Variants in BCKDHB observed in about 807,000 individuals in gnomAD.
BCKDHB encodes branched chain keto acid dehydrogenase E1 subunit beta.
Under a neutral mutation model 48.5 loss-of-function variants are expected in BCKDHB, and 41 were observed. The ratio of observed to expected loss-of-function variants is 0.85; its 90% confidence interval spans 0.66 to 1.10. BCKDHB has a LOEUF of 1.10. Ranked by LOEUF, BCKDHB falls within the 50% of genes least tolerant of loss-of-function variation. The pLI is 0.00. For missense variants in BCKDHB, 496 were observed against 494.2 expected, an observed-to-expected ratio of 1.00 and a Z score of -0.03; for synonymous variants, 201 against 174.8, an observed-to-expected ratio of 1.15 and a Z score of -1.18.
chr6:80,245,922 C>T (rs1372812655), intron 8 of BCKDHB, among the ~76,000 whole-genome samples: 1 of 152,038 alleles, frequency 6.6e-6, no homozygotes, highest in African/African-American at 2.4e-5. Flanking sequence ...CAAAAAAATA[C>T]AAAAATTAGC....
At chr6:80,438,619 T>C in the BCKDHB span, among the ~76,000 whole-genome samples, 658 of 152,316 alleles carry the variant, frequency 4.3e-3, 9 homozygotes, top group African/African-American at 0.015. Context: ...ATGAGAAATA[T>C]TTATATTACA....
the BCKDHB span, among the ~76,000 whole-genome samples, chr6:80,403,257 T>C: frequency 3.5e-4 from 53 of 152,038 alleles, no homozygotes; most frequent in East Asian, 1.3e-3. Context: ...CATGTATTTT[T>C]GTTTAATTTC....
chr6:80,419,868 T>A, the BCKDHB span, among the ~76,000 whole-genome samples: 1 of 152,222 alleles, frequency 6.6e-6, no homozygotes, highest in East Asian at 1.9e-4. Flanking sequence ...AATGGATAAT[T>A]TCAAATGATC....
At chr6:80,252,989 G>T (rs1776899004) in intron 8 of BCKDHB, among the ~76,000 whole-genome samples, 1 of 152,056 alleles carries the variant, frequency 6.6e-6, no homozygotes, top group African/African-American at 2.4e-5. Flanking sequence ...TAATCATCAT[G>T]GCTATCTTTT....
chr6:80,115,963 G>C (rs909737816), intron 1 of BCKDHB, among the ~76,000 whole-genome samples: 5 of 152,200 alleles, frequency 3.3e-5, no homozygotes, highest in African/African-American at 1.2e-4. Context: ...TAACTAGGCA[G>C]TACAGAGGAA....
chr6:80,177,292 C>T (rs147123657), intron 6 of BCKDHB, among the ~76,000 whole-genome samples: 3 of 123,486 alleles, frequency 2.4e-5, no homozygotes, highest in African/African-American at 9.2e-5. Flanking sequence ...AAAGGAGACA[C>T]TTGAGAATAC....
chr6:80,271,213 A>G (rs1311312401), intron 8 of BCKDHB, among the ~76,000 whole-genome samples: 1 of 152,128 alleles, frequency 6.6e-6, no homozygotes, highest in Non-Finnish European at 1.5e-5. Context: ...ATCGTCCTGC[A>G]ACTTACTCAT....
At position 80,129,330 on chromosome 6, in the gene BCKDHB, G is replaced by A. The variant is rs2505931; in HGVS notation, c.343+101G>A. 9.6e-3 allele frequency: 8,908 copies of A among 931,342 alleles called. 502 individuals carry two copies. The African/African-American group carries it at 0.13, about 13-fold the overall frequency. The allele number at this position is 931,342 out of a possible 1,614,324, so 57.7% of individuals were successfully genotyped here. ...CTAAATTTTTTGTCATATCCCCATT[G>A]TATGGATGAATTCCTTTTCATTTCC... On this transcript the variant is annotated intron_variant, in intron 3 of 9. Coordinates refer to ENST00000320393, the MANE Select transcript of BCKDHB (RefSeq NM_183050.4).
intron 6 of BCKDHB, among the ~76,000 whole-genome samples, chr6:80,191,166 G>A (rs1298244912): frequency 1.3e-5 from 2 of 152,106 alleles, no homozygotes; most frequent in Non-Finnish European, 2.9e-5. Flanking sequence ...TTCTGGAGAG[G>A]TTGCCCTCGA....
chr6:80,293,466 C>T (rs541278224), intron 9 of BCKDHB, among the ~76,000 whole-genome samples: 1 of 152,146 alleles, frequency 6.6e-6, no homozygotes, highest in African/African-American at 2.4e-5. Context: ...GCATCAAGTC[C>T]CTAGACTGCA....
At chr6:80,121,142 T>C (rs1370485324) in intron 1 of BCKDHB, among the ~76,000 whole-genome samples, 8 of 152,040 alleles carry the variant, frequency 5.3e-5, no homozygotes, top group African/African-American at 1.9e-4. Context: ...TTTCTTATTT[T>C]TGTCAGGTTT....
chr6:80,192,462 A>G (rs533871558), intron 6 of BCKDHB, among the ~76,000 whole-genome samples: 1 of 152,316 alleles, frequency 6.6e-6, no homozygotes, highest in South Asian at 2.1e-4. Flanking sequence ...GAAAATATTT[A>G]CCAAAGGAAT....
the BCKDHB span, among the ~76,000 whole-genome samples, chr6:80,379,624 G>C: frequency 4.6e-5 from 7 of 151,926 alleles, no homozygotes; most frequent in Admixed American, 4.6e-4. Flanking sequence ...AGAAATAAAA[G>C]ACATTCAAAT....
intron 8 of BCKDHB, among the ~76,000 whole-genome samples, chr6:80,213,128 G>C (rs1267652537): frequency 1.3e-5 from 2 of 152,026 alleles, no homozygotes; most frequent in Non-Finnish European, 2.9e-5. Flanking sequence ...ATATTAAAAT[G>C]TTTTCAATTT....
chr6:80,370,536 TTATCCCTCACCTCTGCCATCCTTTCCCC>T, the BCKDHB span, among the ~76,000 whole-genome samples: 2 of 152,066 alleles, frequency 1.3e-5, no homozygotes, highest in Admixed American at 6.6e-5. Flanking sequence ...GTGTAGTCTT[TTATCCCTCACCTCTGCCATCCTTTCCCC>T]TGAGTCCTCA....
At chr6:80,241,679 T>A (rs1351338717) in intron 8 of BCKDHB, among the ~76,000 whole-genome samples, 1 of 152,216 alleles carries the variant, frequency 6.6e-6, no homozygotes, top group East Asian at 1.9e-4. Flanking sequence ...GGAATGAAAC[T>A]TCTCATTCCT....
At chr6:80,392,286 G>A in the BCKDHB span, among the ~76,000 whole-genome samples, 4 of 152,034 alleles carry the variant, frequency 2.6e-5, no homozygotes, top group African/African-American at 4.8e-5. Context: ...GAGTCACTGC[G>A]CCTGGGCAAG....
At chr6:80,111,668 C>T (rs767483164) in intron 1 of BCKDHB, among the ~76,000 whole-genome samples, 8 of 152,072 alleles carry the variant, frequency 5.3e-5, no homozygotes, top group Non-Finnish European at 4.4e-5. Flanking sequence ...GTTGGAAATT[C>T]GCAGGAAACA....
chr6:80,229,818 A>G (rs1775833152), intron 8 of BCKDHB, among the ~76,000 whole-genome samples: 1 of 151,998 alleles, frequency 6.6e-6, no homozygotes, highest in Non-Finnish European at 1.5e-5. Context: ...AATGACAAAG[A>G]TATCCTATTT....
Sources: gnomAD v4.1 joint callset for allele counts (sites outside exome capture counted in the v4.1 genomes callset) on GRCh38, gnomAD v4.1.1 for gene constraint, MANE v1.5 for transcripts, NCBI Gene and HGNC (gene_info 2026-07-23, HGNC 2026-07-21) for gene names.